Variants in MED27 observed in about 807,000 individuals in gnomAD.
The protein encoded by MED27 is mediator complex subunit 27, also known as mediator of RNA polymerase II transcription subunit 27.
A neutral mutation model predicts 38.2 loss-of-function variants in MED27; 30 were observed. The ratio of observed to expected loss-of-function variants is 0.79; its 90% CI spans 0.59 to 1.07. The LOEUF is 1.07. Among genes scored for constraint, MED27 ranks in the 50% least tolerant of loss-of-function variants. The pLI, the probability that MED27 is intolerant of heterozygous loss-of-function variation, is 0.00. For missense variants in MED27, 289 were observed against 397.5 expected (o/e 0.73, Z 2.32); for synonymous variants, 122 against 153.5 (o/e 0.79, Z 1.52).
chr9:131,964,854 C>T (rs543393048), intron 3 of MED27, among the ~76,000 whole-genome samples: 81 of 152,304 alleles, frequency 5.3e-4, no homozygotes, highest in African/African-American at 1.7e-3. Flanking sequence ...GCATGTTCAA[C>T]GCTACATCTA....
intron 3 of MED27, among the ~76,000 whole-genome samples, chr9:131,996,258 C>G (rs1832087889): frequency 6.6e-6 from 1 of 152,156 alleles, no homozygotes; most frequent in Non-Finnish European, 1.5e-5. Flanking sequence ...TGGATACTCC[C>G]TTGCTCGATT....
intron 2 of MED27, chr9:132,073,409 G>C (rs1488276999): frequency 2.8e-6 from 3 of 1,072,180 alleles, no homozygotes; most frequent in Non-Finnish European, 3.4e-6. Flanking sequence ...AATGATTACA[G>C]TGTACCAGGC....
intron 6 of MED27, among the ~76,000 whole-genome samples, chr9:131,881,181 T>C (rs1265661542): frequency 6.6e-6 from 1 of 152,226 alleles, no homozygotes; most frequent in Non-Finnish European, 1.5e-5. Context: ...ATGAGCAGCA[T>C]TCTTTCTCCT....
At chr9:131,988,885 C>T (rs1223567115) in intron 3 of MED27, among the ~76,000 whole-genome samples, 2 of 42,242 alleles carry the variant, frequency 4.7e-5, no homozygotes, top group Non-Finnish European at 1.1e-4. Flanking sequence ...TTTTTGGCTG[C>T]GCCGAGGGTG....
At chr9:132,079,019 T>G (rs1834115476) in intron 1 of MED27, among the ~76,000 whole-genome samples, 1 of 152,142 alleles carries the variant, frequency 6.6e-6, no homozygotes, top group Non-Finnish European at 1.5e-5. Flanking sequence ...GCATAAGTAA[T>G]TAAACTGGTT....
intron 6 of MED27, among the ~76,000 whole-genome samples, chr9:131,874,820 G>A (rs1039918967): frequency 6.6e-6 from 1 of 152,234 alleles, no homozygotes; most frequent in Non-Finnish European, 1.5e-5. Context: ...GCTGCCAGGA[G>A]AGTCCAAGCC....
intron 2 of MED27, among the ~76,000 whole-genome samples, chr9:132,074,725 A>T (rs1289517314): frequency 6.6e-6 from 1 of 152,280 alleles, no homozygotes; most frequent in Non-Finnish European, 1.5e-5. Context: ...GTATATAGAC[A>T]TCCTCATCCT....
intron 2 of MED27, among the ~76,000 whole-genome samples, chr9:132,059,692 G>A (rs751001900): frequency 6.6e-6 from 1 of 152,134 alleles, no homozygotes; most frequent in Non-Finnish European, 1.5e-5. Context: ...ATAAATCCTC[G>A]GGAAAGCAGC....
chr9:132,056,943 A>G (rs1027215266), intron 2 of MED27, among the ~76,000 whole-genome samples: 1 of 152,212 alleles, frequency 6.6e-6, no homozygotes, highest in Non-Finnish European at 1.5e-5. Context: ...TGCCCTGACA[A>G]GTACACCCAT....
rs945537637 is a variant in MED27, at chr9:131,958,248, GT to G, written c.480-18775del. On this transcript the variant is annotated intron_variant, in intron 3 of 7. Transcript: ENST00000292035. ...TAGGATGAGAGTCAAATTCAGTGGG[GT>G]TTTTTTTTTTTTTGAGATGGAGTCT... Among the ~76,000 whole-genome samples the G allele has an allele frequency of 5.5e-3, 779 of 141,648 alleles. 9 individuals are homozygous for G. The highest frequency in any genetic ancestry group is 0.016 in the African/African-American group (637 of 39,002). 92.9% of individuals were successfully genotyped at this position (141,648 alleles called of 152,430 possible). A position where few individuals can be genotyped will look rare whatever the true frequency, so the allele number is the denominator to read the frequency against.
At chr9:131,885,212 C>G (rs1298310427) in intron 5 of MED27, among the ~76,000 whole-genome samples, 2 of 152,200 alleles carry the variant, frequency 1.3e-5, no homozygotes, top group East Asian at 1.9e-4. Flanking sequence ...AGAACTGGCC[C>G]ATGTGACTGG....
chr9:131,958,057 T>C (rs935788896), intron 3 of MED27, among the ~76,000 whole-genome samples: 1 of 152,018 alleles, frequency 6.6e-6, no homozygotes, highest in African/African-American at 2.4e-5. Flanking sequence ...TGGGGTGATA[T>C]TTACATAGAT....
intron 2 of MED27, chr9:132,073,691 A>T: frequency 6.6e-7 from 1 of 1,517,322 alleles, no homozygotes; most frequent in South Asian, 1.2e-5. Context: ...GGAGGGAGGA[A>T]ATGTCTTCAG....
At chr9:131,918,842 G>A (rs1048336609) in intron 4 of MED27, among the ~76,000 whole-genome samples, 1 of 152,168 alleles carries the variant, frequency 6.6e-6, no homozygotes, top group African/African-American at 2.4e-5. Flanking sequence ...GGACCTGCAG[G>A]TCAGCAGAAA....
rs978522843 is a variant in MED27 at position 131,982,087 on chromosome 9, C to T, written c.479+32250G>A. Among the ~76,000 whole-genome samples, 9 of 152,206 alleles carry T rather than the reference C, an allele frequency of 5.9e-5. No individual in the cohort carries two copies. Among genetic ancestry groups the T allele is most frequent in the Non-Finnish European group, 1.5e-5 (1 of 68,038 alleles). ...GGTAGTCTGTTTCACTCATGGTCCC[C>T]GGTGGAACACTTCCCAGTATTTATG... is the stretch of plus-strand genomic sequence containing the variant. On this transcript the variant is annotated intron_variant, in intron 3 of 7. Coordinates refer to ENST00000292035, the MANE Select transcript of MED27 (RefSeq NM_004269.4). This position sits in a 1 kb window ranked among gnomAD's most constrained non-coding sequence, Gnocchi z 4.3.
intron 4 of MED27, among the ~76,000 whole-genome samples, chr9:131,895,657 G>A (rs2131506970): frequency 6.6e-6 from 1 of 152,196 alleles, no homozygotes; most frequent in African/African-American, 2.4e-5. Context: ...TACATTTAAG[G>A]GACTGCTAAT....
At chr9:131,901,554 G>C (rs569790463) in intron 4 of MED27, among the ~76,000 whole-genome samples, 1 of 152,306 alleles carries the variant, frequency 6.6e-6, no homozygotes, top group East Asian at 1.9e-4. Flanking sequence ...GGAGGGCACT[G>C]CCTCACTGAG....
chr9:131,939,223 T>C, intron 4 of MED27, 158 bp downstream of exon 4: 1 of 441,076 alleles, frequency 2.3e-6, no homozygotes. Flanking sequence ...TGTGCAGAAT[T>C]CTTAACCTAC....
chr9:131,992,540 G>C (rs934782780), intron 3 of MED27, among the ~76,000 whole-genome samples: 1 of 152,032 alleles, frequency 6.6e-6, no homozygotes, highest in African/African-American at 2.4e-5. Flanking sequence ...TGGGACTATA[G>C]GCACGTGCCA....
Sources: gnomAD v4.1 joint callset for allele counts (sites outside exome capture counted in the v4.1 genomes callset) on GRCh38, gnomAD v4.1.1 for gene constraint, Gnocchi (gnomAD v3.1) non-coding constraint, MANE v1.5 for transcripts, NCBI Gene and HGNC (gene_info 2026-07-23, HGNC 2026-07-21) for gene names.